The following ERICH1 variants were observed in gnomAD, a reference collection of about 807,000 sequenced individuals.
The protein encoded by ERICH1 is glutamate rich 1, also known as glutamate-rich protein 1.
ERICH1 carries 56 observed loss-of-function variants against 39.6 expected under a neutral mutation model. The observed-to-expected ratio is 1.41, with a 90% CI of 1.14 to 1.77. ERICH1 has a LOEUF of 1.77. Among genes scored for constraint, ERICH1 ranks in the 40% most tolerant of loss-of-function variants. The pLI, the probability that ERICH1 is intolerant of heterozygous loss-of-function variation, is 0.00. For synonymous variants in ERICH1, 313 were observed against 223.6 expected, an observed-to-expected ratio of 1.40 and a Z score of -3.57; for missense variants, 826 against 575.4, an observed-to-expected ratio of 1.44 and a Z score of -4.45.
At chr8:716,476 C>T (rs1816031452) in intron 1 of ERICH1, among the ~76,000 whole-genome samples, 2 of 152,234 alleles carry the variant, frequency 1.3e-5, no homozygotes, top group South Asian at 4.1e-4. Flanking sequence ...GGCACCACCC[C>T]GCGCCCTCTG....
At chr8:650,834 T>G (rs1223620869) in intron 3 of ERICH1, among the ~76,000 whole-genome samples, 1 of 152,210 alleles carries the variant, frequency 6.6e-6, no homozygotes, top group African/African-American at 2.4e-5. Flanking sequence ...GCAGGAGGCT[T>G]CAACGATTCA....
At chr8:615,702 A>G (rs748467862) in intron 3 of ERICH1, 33 of 157,702 alleles carry the variant, frequency 2.1e-4, no homozygotes, top group Non-Finnish European at 2.8e-5. Context: ...AGGAAAGACA[A>G]CATTCTTATT....
At chr8:628,821 C>T (rs918297497) in intron 3 of ERICH1, among the ~76,000 whole-genome samples, 2 of 152,172 alleles carry the variant, frequency 1.3e-5, no homozygotes, top group African/African-American at 2.4e-5. Flanking sequence ...GTTTCCTCGG[C>T]TCCCCCAATG....
Position 668,698 on chromosome 8 carries a change from C to G in ERICH1, c.1158G>C (p.Val386=). ...GCGTTTTCATGTGGTACAGGATGGA[C>G]ACGTCTGAGGGCAGCATGCTGTGTG... is the stretch of plus-strand genomic sequence containing the variant. ...LASHSMLPSD[V]SILYHMKTLL... is the part of the protein sequence containing the mutation. Residue 386 remains valine, a synonymous_variant, in exon 5 of 6, where the codon GTG becomes GTC. Transcript: ENST00000262109. 4.3e-6 allele frequency: 7 copies of G among 1,614,114 alleles called. No homozygotes were observed. The highest frequency in any genetic ancestry group is 5.9e-6 in the Non-Finnish European group (7 of 1,180,038).
intron 2 of ERICH1, among the ~76,000 whole-genome samples, chr8:713,898 T>C (rs905973839): frequency 6.6e-6 from 1 of 152,098 alleles, no homozygotes; most frequent in African/African-American, 2.4e-5. Flanking sequence ...TCTGGCTTCA[T>C]AGACTTATGT....
intron 2 of ERICH1, among the ~76,000 whole-genome samples, chr8:700,582 G>GCACAGGCGCACAGGCCCC (rs1811884697): frequency 6.6e-6 from 1 of 151,750 alleles, no homozygotes. Context: ...GCACAGACCC[G>GCACAGGCGCACAGGCCCC]CACACATGCA....
At chr8:616,964 CAG>C (rs74222338) in intron 3 of ERICH1, among the ~76,000 whole-genome samples, 33 of 9,940 alleles carry the variant, frequency 3.3e-3, no homozygotes, top group African/African-American at 3.6e-3. Context: ...CAGAGACACA[CAG>C]AGAGAGAGAG....
chr8:703,213 T>C (rs966980320), intron 2 of ERICH1, among the ~76,000 whole-genome samples: 1 of 152,122 alleles, frequency 6.6e-6, no homozygotes, highest in Non-Finnish European at 1.5e-5. Flanking sequence ...TATCTGTTAA[T>C]GGCACGTCAG....
intron 1 of ERICH1, among the ~76,000 whole-genome samples, chr8:722,928 A>G (rs1014499494): frequency 3.3e-5 from 5 of 152,248 alleles, no homozygotes; most frequent in African/African-American, 1.2e-4. Flanking sequence ...TTTACAATGT[A>G]AAGCCACTGC....
intron 3 of ERICH1, among the ~76,000 whole-genome samples, chr8:618,537 G>GTGAGTGAC (rs1797080524): frequency 6.6e-6 from 1 of 152,230 alleles, no homozygotes; most frequent in South Asian, 2.1e-4. Flanking sequence ...TGCTAACTGA[G>GTGAGTGAC]TGAGTGACTG....
intron 3 of ERICH1, among the ~76,000 whole-genome samples, chr8:657,304 G>A (rs1015779405): frequency 3.3e-5 from 5 of 152,116 alleles, no homozygotes; most frequent in Non-Finnish European, 7.3e-5. Flanking sequence ...TTCCGGGAAG[G>A]GGAGCTTATT....
intron 5 of ERICH1, chr8:666,829 C>T (rs927346224): frequency 3.3e-5 from 5 of 152,550 alleles, no homozygotes; most frequent in African/African-American, 7.2e-5. Flanking sequence ...ACCGGCCACT[C>T]GGCAGCTCCC....
chr8:677,270 A>AC (rs747631932), intron 3 of ERICH1, among the ~76,000 whole-genome samples: 2 of 152,124 alleles, frequency 1.3e-5, no homozygotes, highest in African/African-American at 4.8e-5. Context: ...GGATGTAGAC[A>AC]CCCCCCAGCT....
At chr8:701,187 G>T (rs1282669333) in intron 2 of ERICH1, among the ~76,000 whole-genome samples, 3 of 152,250 alleles carry the variant, frequency 2.0e-5, no homozygotes, top group African/African-American at 7.2e-5. Flanking sequence ...CCAGACGGGA[G>T]CACACCGTAC....
chr8:674,261 T>C (rs1563231081), intron 3 of ERICH1, among the ~76,000 whole-genome samples: 3 of 151,286 alleles, frequency 2.0e-5, no homozygotes, highest in Non-Finnish European at 4.4e-5. Flanking sequence ...ACAATCATAA[T>C]ATATGGTGTG....
intron 3 of ERICH1, chr8:616,483 G>T (rs1056423305): frequency 2.2e-6 from 1 of 455,446 alleles, no homozygotes; most frequent in African/African-American, 2.0e-5. Context: ...ACCCAGACAG[G>T]TACGGCCAGA....
At chr8:615,170 A>G (rs1421011750) in exon 4 of ERICH1, 1 of 639,796 alleles carries the variant, frequency 1.6e-6, no homozygotes, top group Admixed American at 2.7e-5. Flanking sequence ...CACAAAGTCG[A>G]AAGTAGACAG....
At chr8:639,029 G>C (rs964842665) in intron 3 of ERICH1, among the ~76,000 whole-genome samples, 2 of 152,094 alleles carry the variant, frequency 1.3e-5, no homozygotes, top group Non-Finnish European at 2.9e-5. Flanking sequence ...ACACTGCAAC[G>C]GAAGCCGTCT....
At chr8:687,557 G>C (rs1340223467) in intron 3 of ERICH1, among the ~76,000 whole-genome samples, 1 of 152,240 alleles carries the variant, frequency 6.6e-6, no homozygotes, top group Admixed American at 6.5e-5. Context: ...GGAGAGGCGG[G>C]AACCCGTGGA....
Sources: allele counts gnomAD v4.1 joint callset (sites outside exome capture counted in the v4.1 genomes callset), GRCh38; gene constraint gnomAD v4.1.1; transcripts MANE v1.5; gene names NCBI Gene and HGNC (gene_info 2026-07-23, HGNC 2026-07-21).